The following CDIN1 variants were observed in gnomAD, a reference collection of about 807,000 sequenced individuals.
CDIN1 encodes the protein CDAN1 interacting nuclease 1, also known as CDAN1-interacting nuclease 1.
Under a neutral mutation model 45.3 loss-of-function variants are expected in CDIN1, and 33 were observed. The ratio of observed to expected loss-of-function variants is 0.73; its 90% CI spans 0.55 to 0.97. The LOEUF (loss-of-function observed/expected upper bound fraction) is 0.97. CDIN1 is among the 50% of genes least tolerant of loss of function. CDIN1 has a pLI of 0.00. For synonymous variants in CDIN1, 118 were observed against 124.4 expected, an observed-to-expected ratio of 0.95 and a Z score of 0.34; for missense variants, 303 against 339.4, an observed-to-expected ratio of 0.89 and a Z score of 0.84.
intron 10 of CDIN1, among the ~76,000 whole-genome samples, chr15:36,786,984 T>G (rs1342959211): frequency 6.6e-6 from 1 of 152,142 alleles, no homozygotes; most frequent in African/African-American, 2.4e-5. Flanking sequence ...CACCTGCCCC[T>G]TACATTCTTG....
Position 36,721,802 on chromosome 15 carries a change from G to A in CDIN1, c.716+11841G>A, listed in dbSNP as rs555124994. On this transcript the variant is annotated intron_variant, in intron 10 of 10. Transcript: ENST00000566621. ...TCTCTCTCTCTCTGTCTGTCTGTCT[G>A]TCTCTGTGGGCAGCTTTCTCCTGCT... Among the ~76,000 whole-genome samples the A allele has an allele frequency of 1.8e-3, 276 of 151,426 alleles. 1 individual carries two copies. Among genetic ancestry groups the A allele is most frequent in the African/African-American group, 6.5e-3 (269 of 41,280 alleles).
At chr15:36,664,357 T>C (rs1479495808) in intron 5 of CDIN1, among the ~76,000 whole-genome samples, 1 of 152,220 alleles carries the variant, frequency 6.6e-6, no homozygotes, top group African/African-American at 2.4e-5. Context: ...GCATTCTACA[T>C]GTGAACCCTC....
chr15:36,782,931 G>A (rs759931292), intron 10 of CDIN1, among the ~76,000 whole-genome samples: 3 of 152,252 alleles, frequency 2.0e-5, no homozygotes, highest in South Asian at 4.1e-4. Context: ...GGAAAAACAT[G>A]CCATTGTGTC....
intron 10 of CDIN1, among the ~76,000 whole-genome samples, chr15:36,802,042 T>G (rs1304044272): frequency 6.6e-6 from 1 of 152,086 alleles, no homozygotes; most frequent in African/African-American, 2.4e-5. Flanking sequence ...AGTAAATATT[T>G]TTCAGAGTCA....
chr15:36,785,776 A>G (rs1352586261), intron 10 of CDIN1, among the ~76,000 whole-genome samples: 4 of 152,200 alleles, frequency 2.6e-5, no homozygotes. Flanking sequence ...TGAACTGAAG[A>G]TTTATTGTAA....
intron 10 of CDIN1, among the ~76,000 whole-genome samples, chr15:36,749,341 G>A (rs781062983): frequency 3.3e-5 from 5 of 152,182 alleles, no homozygotes; most frequent in Non-Finnish European, 7.3e-5. Flanking sequence ...AGCAAACAAT[G>A]TGTTTGTATT....
In CDIN1 at chr15:36,669,393, G is replaced by A. The variant is rs116318312; in HGVS notation, c.346+11488G>A. On this transcript the variant is annotated intron_variant, in intron 5 of 10. Coordinates refer to ENST00000566621, the MANE Select transcript of CDIN1 (RefSeq NM_001321759.2). The stretch of plus-strand genomic sequence containing the variant: ...TGTCATAAGGTCATTTCTGGGAGAA[G>A]CAAGTCTAATAGAAAGCTTTTACTT... Among the ~76,000 whole-genome samples the A allele has an allele frequency of 3.5e-3, 535 of 152,232 alleles. 3 individuals carry two copies. Among genetic ancestry groups the A allele is most frequent in the African/African-American group, 0.012 (505 of 41,558 alleles).
chr15:36,683,180 A>G (rs2041916789), intron 5 of CDIN1, among the ~76,000 whole-genome samples: 1 of 152,158 alleles, frequency 6.6e-6, no homozygotes, highest in South Asian at 2.1e-4. Flanking sequence ...GGTATTGCCT[A>G]GGTTTTCTTC....
chr15:36,759,547 T>C (rs1440713485), intron 10 of CDIN1, among the ~76,000 whole-genome samples: 1 of 152,198 alleles, frequency 6.6e-6, no homozygotes, highest in Non-Finnish European at 1.5e-5. Flanking sequence ...ACATTAATTC[T>C]AAAAATCTAA....
rs537016821 is a variant in CDIN1, at chr15:36,588,857, A to C, written c.101+8896A>C. Among the ~76,000 whole-genome samples, 479 of 152,276 alleles carry C rather than the reference A, an allele frequency of 3.1e-3. 1 individual carries two copies. Among genetic ancestry groups the C allele is most frequent in the Admixed American group, 5.9e-3 (90 of 15,298 alleles). On this transcript the variant is annotated intron_variant, in intron 1 of 10. Transcript: ENST00000566621. ...AGCTGCGAAAGGGATATGAGCTTGA[A>C]TTCTTCGCAGAGGAGTATTTGAAGA...
intron 5 of CDIN1, among the ~76,000 whole-genome samples, chr15:36,664,916 G>A (rs149548292): frequency 2.6e-3 from 400 of 152,232 alleles, no homozygotes; most frequent in African/African-American, 8.2e-3. Flanking sequence ...TTATATTCTT[G>A]TAAAATATTA....
At chr15:36,782,441 GC>G (rs1463282374) in intron 10 of CDIN1, among the ~76,000 whole-genome samples, 1 of 151,972 alleles carries the variant, frequency 6.6e-6, no homozygotes, top group African/African-American at 2.4e-5. Flanking sequence ...TAATAATTTA[GC>G]ATTTTTGTTC....
intron 10 of CDIN1, among the ~76,000 whole-genome samples, chr15:36,760,816 T>G (rs2053740629): frequency 6.6e-6 from 1 of 152,214 alleles, no homozygotes; most frequent in Admixed American, 6.5e-5. Flanking sequence ...TAATAGACTT[T>G]CCAAGTCAAA....
chr15:36,630,418 G>A (rs1024946005), intron 1 of CDIN1, among the ~76,000 whole-genome samples: 36 of 152,112 alleles, frequency 2.4e-4, no homozygotes, highest in Admixed American at 2.0e-4. Flanking sequence ...AAGATGAACC[G>A]GATTCTAAAG....
chr15:36,690,630 TAAAAG>T (rs1388851379), intron 5 of CDIN1, among the ~76,000 whole-genome samples: 1 of 152,080 alleles, frequency 6.6e-6, no homozygotes, highest in Non-Finnish European at 1.5e-5. Flanking sequence ...AACATAATCT[TAAAAG>T]AAAACAAGTT....
intron 1 of CDIN1, among the ~76,000 whole-genome samples, chr15:36,608,976 T>TATGG (rs1555383197): frequency 2.0e-5 from 3 of 149,440 alleles, no homozygotes; most frequent in Middle Eastern, 3.4e-3. Flanking sequence ...TATGTGTGTA[T>TATGG]ATAGATAGAT....
At chr15:36,656,146 T>G (rs2040773486) in intron 4 of CDIN1, among the ~76,000 whole-genome samples, 2 of 152,192 alleles carry the variant, frequency 1.3e-5, no homozygotes, top group Non-Finnish European at 2.9e-5. Flanking sequence ...TATTATAGCT[T>G]CTAAACAACC....
intron 5 of CDIN1, among the ~76,000 whole-genome samples, chr15:36,664,768 G>C (rs189473769): frequency 3.5e-3 from 531 of 152,240 alleles, no homozygotes; most frequent in Admixed American, 7.9e-3. Flanking sequence ...GGATGGTCTC[G>C]ATCTCCTGAC....
chr15:36,685,013 A>G (rs1442974972), intron 5 of CDIN1, among the ~76,000 whole-genome samples: 1 of 151,548 alleles, frequency 6.6e-6, no homozygotes, highest in East Asian at 1.9e-4. Context: ...TATTTTGTGG[A>G]TCTTTTCAAA....
Sources: allele counts gnomAD v4.1 joint callset (sites outside exome capture counted in the v4.1 genomes callset), GRCh38; gene constraint gnomAD v4.1.1; transcripts MANE v1.5; gene names NCBI Gene and HGNC (gene_info 2026-07-23, HGNC 2026-07-21).